CATSPERE: variants seen among roughly 807,000 people sequenced by gnomAD.
The protein encoded by CATSPERE is catsper channel auxiliary subunit epsilon, also known as cation channel sperm-associated auxiliary subunit epsilon.
A neutral mutation model predicts 114.1 loss-of-function variants in CATSPERE; 93 were observed. The observed-to-expected ratio is 0.81, with a 90% CI of 0.69 to 0.97. The LOEUF is 0.97. CATSPERE is among the 50% of genes least tolerant of loss of function. The pLI is 0.00. For missense variants in CATSPERE, 1,058 were observed against 1,131.6 expected (o/e 0.93, Z 0.93); for synonymous variants, 341 against 384.1 (o/e 0.89, Z 1.31).
chr1:244,481,992 G>A (rs1027841450), intron 5 of CATSPERE, among the ~76,000 whole-genome samples: 2 of 152,210 alleles, frequency 1.3e-5, no homozygotes, highest in Admixed American at 6.5e-5. Flanking sequence ...GCTGAAAGAA[G>A]TGGGCCTCCA....
At chr1:244,451,504 G>A, upstream of CATSPERE, 1 of 1,019,622 alleles carries the variant, frequency 9.8e-7, no homozygotes, top group Non-Finnish European at 1.4e-6. This position sits in a 1 kb window ranked among gnomAD's most constrained non-coding sequence, Gnocchi z 6.6. Flanking sequence ...CAGGACAGGA[G>A]GAGAGAGCCT....
At chr1:244,495,965 G>A (rs1243628912) in intron 6 of CATSPERE, among the ~76,000 whole-genome samples, 5 of 152,150 alleles carry the variant, frequency 3.3e-5, no homozygotes, top group African/African-American at 1.2e-4. Flanking sequence ...AACACATAGC[G>A]CCCAGGCGGA....
intron 5 of CATSPERE, among the ~76,000 whole-genome samples, chr1:244,488,541 C>G (rs1209960171): frequency 6.6e-6 from 1 of 152,206 alleles, no homozygotes; most frequent in African/African-American, 2.4e-5. Context: ...TATTGTCTTT[C>G]CATGGAAATT....
rs143247582 is a variant in CATSPERE at position 244,490,479 on chromosome 1, AT to A, written c.351+14del. ...TTTAACAACTTTACCCAGGTAAAAT[AT>A]TTTTTAAATTTTGTATAGCCTTCAT... On this transcript the variant is annotated intron_variant, in intron 6 of 21. Coordinates refer to ENST00000366534, the MANE Select transcript of CATSPERE (RefSeq NM_001130957.2). 145,465 of 1,466,050 alleles carry A rather than the reference AT, an allele frequency of 0.099. 7,939 individuals carry two copies. The highest frequency in any genetic ancestry group is 0.13 in the South Asian group (11,375 of 85,574). The allele number at this position is 1,466,050 out of a possible 1,614,324, so 90.8% of individuals were successfully genotyped here.
intron 8 of CATSPERE, among the ~76,000 whole-genome samples, chr1:244,532,594 T>A (rs1358592509): frequency 2.0e-5 from 3 of 152,150 alleles, no homozygotes; most frequent in Non-Finnish European, 2.9e-5. Flanking sequence ...GCCCTTCAAT[T>A]CCCTCTTAAT....
At chr1:244,557,531 TCATATATATA>T (rs1661776548) in intron 9 of CATSPERE, among the ~76,000 whole-genome samples, 1 of 28,854 alleles carries the variant, frequency 3.5e-5, no homozygotes, top group South Asian at 2.0e-3. Context: ...TTTGAAATAT[TCATATATATA>T]TATATATATA....
At chr1:244,452,575 T>C (rs932157243), upstream of CATSPERE, among the ~76,000 whole-genome samples, 1 of 152,202 alleles carries the variant, frequency 6.6e-6, no homozygotes, top group Non-Finnish European at 1.5e-5. Context: ...TCATTTTACA[T>C]AGTAGTAACA....
intron 6 of CATSPERE, among the ~76,000 whole-genome samples, chr1:244,493,770 C>G (rs1220109182): frequency 1.3e-5 from 2 of 151,976 alleles, no homozygotes; most frequent in African/African-American, 2.4e-5. Flanking sequence ...AACAAACAAC[C>G]CCATCAAAAA....
intron 19 of CATSPERE, among the ~76,000 whole-genome samples, chr1:244,615,239 CAAAAAAAAA>C (rs568497256): frequency 2.3e-4 from 16 of 69,286 alleles, no homozygotes; most frequent in African/African-American, 7.1e-4. Flanking sequence ...TTGGGCAGAC[CAAAAAAAAA>C]AAAAAAAAAG....
intron 2 of CATSPERE, among the ~76,000 whole-genome samples, chr1:244,471,517 A>T (rs1309052290): frequency 6.6e-6 from 1 of 152,208 alleles, no homozygotes; most frequent in Non-Finnish European, 1.5e-5. Context: ...AAAAAGTTTC[A>T]TCATGCCCTT....
chr1:244,589,200 T>C (rs1667409157), intron 14 of CATSPERE, among the ~76,000 whole-genome samples: 1 of 152,188 alleles, frequency 6.6e-6, no homozygotes, highest in African/African-American at 2.4e-5. Flanking sequence ...AGAAATTTAT[T>C]GTGATTCCTT....
intron 17 of CATSPERE, among the ~76,000 whole-genome samples, chr1:244,600,350 C>T (rs940587749): frequency 1.7e-5 from 2 of 120,524 alleles, no homozygotes; most frequent in Non-Finnish European, 3.5e-5. Context: ...TTAAGAGCTA[C>T]CTAGTCCAAA....
At chr1:244,536,438 C>T (rs1282868113) in intron 8 of CATSPERE, among the ~76,000 whole-genome samples, 1 of 152,184 alleles carries the variant, frequency 6.6e-6, no homozygotes, top group African/African-American at 2.4e-5. Flanking sequence ...ATGTTCCCAC[C>T]ATGAGGATGG....
intron 5 of CATSPERE, among the ~76,000 whole-genome samples, chr1:244,487,728 A>G (rs1452560345): frequency 1.3e-5 from 2 of 152,118 alleles, no homozygotes; most frequent in Non-Finnish European, 2.9e-5. Context: ...TCAGGACCCA[A>G]GGTGCCAGAG....
chr1:244,496,658 C>T (rs768664639), intron 6 of CATSPERE, among the ~76,000 whole-genome samples: 24 of 152,078 alleles, frequency 1.6e-4, no homozygotes, highest in South Asian at 8.3e-4. Flanking sequence ...CATAAAGATA[C>T]GGATTTTCCT....
At chr1:244,542,154 TAAA>T (rs539959314) in intron 8 of CATSPERE, among the ~76,000 whole-genome samples, 2 of 140,504 alleles carry the variant, frequency 1.4e-5, no homozygotes, top group Non-Finnish European at 3.1e-5. Flanking sequence ...ACATAAAGTA[TAAA>T]AAAAAAAAAA....
At chr1:244,551,120 C>T (rs3003219) in intron 8 of CATSPERE, among the ~76,000 whole-genome samples, 132,361 of 152,214 alleles carry the variant, frequency 0.87, 58,532 homozygotes, top group East Asian at 1. Flanking sequence ...AAATGCCCTC[C>T]CCCTAACCTG....
chr1:244,557,851 C>G (rs1661893335), intron 9 of CATSPERE, among the ~76,000 whole-genome samples: 1 of 151,440 alleles, frequency 6.6e-6, no homozygotes, highest in Non-Finnish European at 1.5e-5. Context: ...CTCAGATGAC[C>G]TGCTCGTTAT....
chr1:244,596,397 G>A (rs1291031951), intron 17 of CATSPERE, among the ~76,000 whole-genome samples: 1 of 152,138 alleles, frequency 6.6e-6, no homozygotes, highest in Non-Finnish European at 1.5e-5. Flanking sequence ...TCTGCTGTAC[G>A]CTTCACTCTA....
Sources: gnomAD v4.1 joint callset for allele counts (sites outside exome capture counted in the v4.1 genomes callset) on GRCh38, gnomAD v4.1.1 for gene constraint, Gnocchi (gnomAD v3.1) non-coding constraint, MANE v1.5 for transcripts, NCBI Gene and HGNC (gene_info 2026-07-23, HGNC 2026-07-21) for gene names.